The following CNTNAP2 variants were observed in gnomAD, a reference collection of about 807,000 sequenced individuals.
CNTNAP2 encodes contactin-associated protein-like 2.
CNTNAP2 carries 98 observed loss-of-function variants against 155.2 expected under a neutral mutation model. The ratio of observed to expected loss-of-function variants is 0.63; its 90% confidence interval spans 0.54 to 0.75. The LOEUF (loss-of-function observed/expected upper bound fraction) is 0.75. Among genes scored for constraint, CNTNAP2 ranks in the 30% least tolerant of loss-of-function variants. CNTNAP2 has a pLI of 0.00. For synonymous variants in CNTNAP2, 651 were observed against 631.2 expected (o/e 1.03, Z -0.47); for missense variants, 1,727 against 1,688.1 (o/e 1.02, Z -0.40).
intron 12 of CNTNAP2, among the ~76,000 whole-genome samples, chr7:147,600,909 C>T (rs1015352728): frequency 5.3e-5 from 8 of 152,130 alleles, no homozygotes; most frequent in African/African-American, 1.9e-4. Context: ...ATGGTGATAA[C>T]ATGAGGGTAG....
intron 1 of CNTNAP2, among the ~76,000 whole-genome samples, chr7:146,732,690 C>T (rs2129179698): frequency 6.6e-6 from 1 of 152,132 alleles, no homozygotes; most frequent in Non-Finnish European, 1.5e-5. Flanking sequence ...GGAATTGGTT[C>T]CATGACCCCA....
intron 15 of CNTNAP2, among the ~76,000 whole-genome samples, chr7:148,078,560 A>G (rs969424089): frequency 1.3e-5 from 2 of 152,004 alleles, no homozygotes; most frequent in Admixed American, 1.3e-4. Flanking sequence ...GGCTCACTGC[A>G]ACTTCCACCT....
chr7:147,749,635 G>C (rs941554953), intron 13 of CNTNAP2, among the ~76,000 whole-genome samples: 1 of 152,038 alleles, frequency 6.6e-6, no homozygotes, highest in African/African-American at 2.4e-5. Flanking sequence ...AAGCATTCTT[G>C]TTTCCCCCAC....
intron 1 of CNTNAP2, among the ~76,000 whole-genome samples, chr7:146,319,797 GT>G (rs1800969379): frequency 6.6e-6 from 1 of 152,188 alleles, no homozygotes; most frequent in Non-Finnish European, 1.5e-5. Flanking sequence ...TGGACAGCAA[GT>G]GTCTGGGCTG....
intron 1 of CNTNAP2, among the ~76,000 whole-genome samples, chr7:146,452,772 C>T (rs1411273759): frequency 6.6e-6 from 1 of 152,128 alleles, no homozygotes; most frequent in African/African-American, 2.4e-5. Context: ...ATTCTAAGTC[C>T]TTGTAGAAGC....
At chr7:147,861,491 A>G (rs1799131722) in intron 13 of CNTNAP2, among the ~76,000 whole-genome samples, 1 of 152,214 alleles carries the variant, frequency 6.6e-6, no homozygotes, top group South Asian at 2.1e-4. Flanking sequence ...TTTACCACAT[A>G]CCAACTTTGT....
At chr7:146,558,761 A>C (rs571890220) in intron 1 of CNTNAP2, among the ~76,000 whole-genome samples, 1 of 152,248 alleles carries the variant, frequency 6.6e-6, no homozygotes, top group East Asian at 1.9e-4. Context: ...CTTCTCCCAT[A>C]TCTCTCCTGA....
At chr7:146,479,434 C>G (rs1434150605) in intron 1 of CNTNAP2, among the ~76,000 whole-genome samples, 1 of 152,022 alleles carries the variant, frequency 6.6e-6, no homozygotes, top group Non-Finnish European at 1.5e-5. Flanking sequence ...ATTCAGGTGT[C>G]TTTCATATTA....
intron 3 of CNTNAP2, among the ~76,000 whole-genome samples, chr7:146,871,525 G>A (rs1008019833): frequency 2.7e-5 from 4 of 150,358 alleles, no homozygotes; most frequent in African/African-American, 7.4e-5. Context: ...GCAAGGCTCC[G>A]TCTAAAAAAA....
intron 1 of CNTNAP2, among the ~76,000 whole-genome samples, chr7:146,457,562 G>A (rs1796575746): frequency 7.2e-6 from 1 of 138,070 alleles, no homozygotes; most frequent in Admixed American, 7.6e-5. Context: ...GTGGTGCAGT[G>A]GCACGATCTT....
At chr7:147,321,124 C>T (rs1041852340) in intron 9 of CNTNAP2, among the ~76,000 whole-genome samples, 4 of 152,188 alleles carry the variant, frequency 2.6e-5, no homozygotes, top group Non-Finnish European at 5.9e-5. Context: ...CTGCCAATTC[C>T]CAGTGGAGGT....
intron 1 of CNTNAP2, among the ~76,000 whole-genome samples, chr7:146,478,102 G>A (rs868420005): frequency 3.3e-5 from 5 of 152,090 alleles, no homozygotes; most frequent in Non-Finnish European, 7.4e-5. Context: ...CAGTTTTATG[G>A]CAGAGTGTGG....
chr7:147,222,221 C>A (rs1463705740), intron 8 of CNTNAP2, among the ~76,000 whole-genome samples: 1 of 151,856 alleles, frequency 6.6e-6, no homozygotes, highest in Non-Finnish European at 1.5e-5. Flanking sequence ...ATTCCTATTA[C>A]ACTTTCGTAG....
intron 13 of CNTNAP2, among the ~76,000 whole-genome samples, chr7:147,693,590 G>A (rs756632977): frequency 1.8e-4 from 28 of 151,772 alleles, no homozygotes; most frequent in South Asian, 6.2e-4. Flanking sequence ...TTCGGGGGGC[G>A]CTGATATAAA....
At chr7:147,748,909 A>G (rs1584936040) in intron 13 of CNTNAP2, among the ~76,000 whole-genome samples, 1 of 152,218 alleles carries the variant, frequency 6.6e-6, no homozygotes, top group East Asian at 1.9e-4. Context: ...AACATTTCCT[A>G]CAGATCTGCA....
chr7:147,792,514 GTA>G (rs779187917), intron 13 of CNTNAP2, among the ~76,000 whole-genome samples: 4 of 150,984 alleles, frequency 2.6e-5, no homozygotes, highest in Non-Finnish European at 5.9e-5. Context: ...GTGTGTGTGT[GTA>G]TATATATATA....
At chr7:146,847,851 T>C (rs1434321408) in intron 3 of CNTNAP2, among the ~76,000 whole-genome samples, 5 of 152,210 alleles carry the variant, frequency 3.3e-5, no homozygotes, top group South Asian at 2.1e-4. Flanking sequence ...TTTTCAGATA[T>C]ATATTTTTTA....
intron 15 of CNTNAP2, among the ~76,000 whole-genome samples, chr7:148,060,807 T>C (rs1423493419): frequency 1.3e-5 from 2 of 152,188 alleles, no homozygotes; most frequent in South Asian, 2.1e-4. Flanking sequence ...AATAGTTAAG[T>C]ATAGGCTCTG....
chr7:146,559,071 C>A (rs1798242114), intron 1 of CNTNAP2, among the ~76,000 whole-genome samples: 1 of 151,950 alleles, frequency 6.6e-6, no homozygotes, highest in Non-Finnish European at 1.5e-5. Context: ...TTGAGTTGGG[C>A]AGGAGGAATA....
Sources: gnomAD v4.1 joint callset for allele counts (sites outside exome capture counted in the v4.1 genomes callset) on GRCh38, gnomAD v4.1.1 for gene constraint, MANE v1.5 for transcripts, NCBI Gene and HGNC (gene_info 2026-07-23, HGNC 2026-07-21) for gene names.